The following CAMKMT variants were observed in gnomAD, a reference collection of about 807,000 sequenced individuals.
CAMKMT encodes calmodulin-lysine N-methyltransferase.
Under a neutral mutation model 48.0 loss-of-function variants are expected in CAMKMT, and 53 were observed. The observed-to-expected ratio is 1.10, with a 90% CI of 0.89 to 1.39. CAMKMT has a LOEUF of 1.39. CAMKMT is among the 40% of genes most tolerant of loss of function. The probability of loss-of-function intolerance (pLI) is 0.00; values close to 1 mark genes in which losing one functional copy is unlikely to be tolerated. For missense variants in CAMKMT, 428 were observed against 402.7 expected (o/e 1.06, Z -0.54); for synonymous variants, 165 against 152.3 (o/e 1.08, Z -0.61).
At chr2:44,651,146 A>G (rs1674039288) in intron 3 of CAMKMT, among the ~76,000 whole-genome samples, 1 of 152,254 alleles carries the variant, frequency 6.6e-6, no homozygotes. Context: ...GAGCTATAAA[A>G]TGTTCATTCA....
chr2:44,401,572 A>C (rs1682380975), intron 3 of CAMKMT, among the ~76,000 whole-genome samples: 1 of 152,036 alleles, frequency 6.6e-6, no homozygotes, highest in South Asian at 2.1e-4. Flanking sequence ...AATAAAATAA[A>C]ATTTAAAATA....
chr2:44,405,836 A>C (rs983666532), intron 3 of CAMKMT, among the ~76,000 whole-genome samples: 5 of 152,222 alleles, frequency 3.3e-5, no homozygotes, highest in African/African-American at 1.2e-4. Context: ...ATGTATATTC[A>C]ACTCTGATTC....
chr2:44,389,551 G>A (rs1486760663), intron 2 of CAMKMT, among the ~76,000 whole-genome samples: 2 of 152,038 alleles, frequency 1.3e-5, no homozygotes, highest in East Asian at 3.8e-4. Context: ...AGATGGATTA[G>A]CACTAATTTT....
chr2:44,667,363 C>T (rs1407606575), intron 3 of CAMKMT, among the ~76,000 whole-genome samples: 1 of 152,208 alleles, frequency 6.6e-6, no homozygotes. Flanking sequence ...CCTTGCTGCC[C>T]TCTCAGCAGC....
intron 3 of CAMKMT, among the ~76,000 whole-genome samples, chr2:44,587,380 T>C (rs1572860733): frequency 6.6e-6 from 1 of 152,158 alleles, no homozygotes; most frequent in Non-Finnish European, 1.5e-5. Flanking sequence ...CCCCTAAGAA[T>C]TGTATATTTT....
In CAMKMT at chr2:44,537,652, C is replaced by T. The variant is rs72881136; in HGVS notation, c.376+147347C>T. ...CAATTATGGCTCACTGCAGCCTCGA[C>T]CCCAGGGCTCAAGTGATCCTCCCAC... On this transcript the variant is annotated intron_variant, in intron 3 of 10. Coordinates refer to ENST00000378494, the MANE Select transcript of CAMKMT (RefSeq NM_024766.5). Among the ~76,000 whole-genome samples the T allele has an allele frequency of 9.4e-3, 1,424 of 152,182 alleles. 15 individuals carry two copies. The highest frequency in any genetic ancestry group is 0.027 in the African/African-American group (1,125 of 41,504).
intron 3 of CAMKMT, among the ~76,000 whole-genome samples, chr2:44,606,357 T>C (rs1206116266): frequency 1.3e-5 from 2 of 152,204 alleles, no homozygotes; most frequent in Non-Finnish European, 2.9e-5. Context: ...AATATCTTTT[T>C]CCATTTAAAT....
At chr2:44,710,874 A>T (rs1677842539) in intron 6 of CAMKMT, among the ~76,000 whole-genome samples, 1 of 152,196 alleles carries the variant, frequency 6.6e-6, no homozygotes, top group African/African-American at 2.4e-5. Flanking sequence ...CTTAGTAAAC[A>T]TCTAGCAGTT....
chr2:44,527,785 GCCC>G (rs71393280), intron 3 of CAMKMT, among the ~76,000 whole-genome samples: 1 of 84,784 alleles, frequency 1.2e-5, no homozygotes. Flanking sequence ...CATGTGTACA[GCCC>G]CCCCCCCCAT....
At chr2:44,517,544 A>G (rs1024876742) in intron 3 of CAMKMT, among the ~76,000 whole-genome samples, 120 of 152,056 alleles carry the variant, frequency 7.9e-4, no homozygotes, top group African/African-American at 2.8e-3. Context: ...CTCAACAGGG[A>G]GTGGTGCTTC....
intron 3 of CAMKMT, among the ~76,000 whole-genome samples, chr2:44,581,368 A>C (rs1199853213): frequency 6.6e-6 from 1 of 152,206 alleles, no homozygotes; most frequent in African/African-American, 2.4e-5. Context: ...CTAAGATCAC[A>C]TGTCAATGAG....
intron 3 of CAMKMT, among the ~76,000 whole-genome samples, chr2:44,569,550 G>A (rs1668797554): frequency 6.6e-6 from 1 of 151,992 alleles, no homozygotes; most frequent in African/African-American, 2.4e-5. Context: ...CAGATTCCAT[G>A]ATTTTCCTTT....
At chr2:44,748,112 T>C (rs376186097) in intron 8 of CAMKMT, among the ~76,000 whole-genome samples, 1 of 152,322 alleles carries the variant, frequency 6.6e-6, no homozygotes. Flanking sequence ...ACATTGAAAT[T>C]GCTCAGATGA....
intron 3 of CAMKMT, among the ~76,000 whole-genome samples, chr2:44,534,825 AG>A (rs1480055362): frequency 3.5e-5 from 4 of 113,654 alleles, no homozygotes; most frequent in Non-Finnish European, 6.8e-5. Context: ...GAACTTGAAA[AG>A]CAAGAACAAA....
chr2:44,362,171 C>A, intron 1 of CAMKMT, 26 bp downstream of exon 1: 1 of 1,448,116 alleles, frequency 6.9e-7, no homozygotes, highest in Non-Finnish European at 9.0e-7. Context: ...CTCGCCTCAC[C>A]TTTGCCTCTG....
intron 7 of CAMKMT, among the ~76,000 whole-genome samples, chr2:44,731,902 A>T (rs1679095499): frequency 6.6e-6 from 1 of 152,142 alleles, no homozygotes; most frequent in South Asian, 2.1e-4. Flanking sequence ...CTGCTATACT[A>T]TACCTGTTAA....
intron 3 of CAMKMT, among the ~76,000 whole-genome samples, chr2:44,472,954 T>C (rs967088657): frequency 5.9e-5 from 9 of 152,342 alleles, no homozygotes; most frequent in African/African-American, 2.2e-4. Context: ...GCAGCCAGCA[T>C]TTCAGTTACC....
At chr2:44,418,770 C>A (rs1181499957) in intron 3 of CAMKMT, among the ~76,000 whole-genome samples, 1 of 152,132 alleles carries the variant, frequency 6.6e-6, no homozygotes, top group East Asian at 1.9e-4. Flanking sequence ...TTATCAATGT[C>A]TGCTAAGAAG....
chr2:44,446,503 G>A (rs1282530340), intron 3 of CAMKMT, among the ~76,000 whole-genome samples: 1 of 151,906 alleles, frequency 6.6e-6, no homozygotes, highest in Non-Finnish European at 1.5e-5. Flanking sequence ...GTGCCACCAT[G>A]TCCAGCTAAT....
Sources: allele counts gnomAD v4.1 joint callset (sites outside exome capture counted in the v4.1 genomes callset), GRCh38; gene constraint gnomAD v4.1.1; transcripts MANE v1.5; gene names NCBI Gene and HGNC (gene_info 2026-07-23, HGNC 2026-07-21).